Variants in CSMD2 observed in about 807,000 individuals in gnomAD.
CSMD2 encodes CUB and sushi domain-containing protein 2.
Under a neutral mutation model 398.5 loss-of-function variants are expected in CSMD2, and 130 were observed. The observed-to-expected ratio is 0.33, with a 90% CI of 0.28 to 0.38. The LOEUF (loss-of-function observed/expected upper bound fraction) is 0.38, where lower values mean the gene tolerates loss of function less well. Among genes scored for constraint, CSMD2 ranks in the 10% least tolerant of loss-of-function variants. CSMD2 has a pLI of 1.00. For missense variants in CSMD2, 3,829 were observed against 4,764.9 expected (o/e 0.80, Z 5.78); for synonymous variants, 1,828 against 1,908.5 (o/e 0.96, Z 1.10).
chr1:33,709,833 A>G (rs1645925980), intron 21 of CSMD2, among the ~76,000 whole-genome samples: 1 of 152,122 alleles, frequency 6.6e-6, no homozygotes. Flanking sequence ...GTTTAAAGAT[A>G]AGGAACCAGG....
chr1:33,810,888 C>A, intron 9 of CSMD2, 24 bp from the exon 10 acceptor site: 5 of 1,606,932 alleles, frequency 3.1e-6, no homozygotes, highest in Non-Finnish European at 4.2e-6. Flanking sequence ...GAAAGACAAG[C>A]CTTTGAATTA....
chr1:33,685,837 A>G (rs1226024912), intron 25 of CSMD2, among the ~76,000 whole-genome samples: 1 of 152,150 alleles, frequency 6.6e-6, no homozygotes, highest in Non-Finnish European at 1.5e-5. Flanking sequence ...TTTCCCCACT[A>G]GAATGTGAAC....
intron 32 of CSMD2, among the ~76,000 whole-genome samples, chr1:33,628,855 G>C (rs1459146979): frequency 2.0e-5 from 3 of 151,990 alleles, no homozygotes; most frequent in African/African-American, 7.3e-5. Context: ...AAAAGCACAG[G>C]TTACTTACAA....
At chr1:33,570,404 C>T (rs899896696) in intron 51 of CSMD2, among the ~76,000 whole-genome samples, 2 of 151,310 alleles carry the variant, frequency 1.3e-5, no homozygotes, top group Middle Eastern at 3.4e-3. Flanking sequence ...GAACTCCTGA[C>T]CTCAAGTGAT....
chr1:34,056,294 G>A (rs547930656), intron 2 of CSMD2, among the ~76,000 whole-genome samples: 2 of 152,234 alleles, frequency 1.3e-5, no homozygotes, highest in Admixed American at 6.5e-5. Context: ...ATCCCTCTAT[G>A]CTGCACTGGC....
chr1:33,629,795 T>A (rs1571006317), intron 32 of CSMD2, among the ~76,000 whole-genome samples: 1 of 151,498 alleles, frequency 6.6e-6, no homozygotes, highest in Non-Finnish European at 1.5e-5. Flanking sequence ...CAGGCTGGAG[T>A]GCAATGGCGC....
chr1:33,716,249 A>G (rs1264223926), intron 20 of CSMD2, 37 bp downstream of exon 20: 4 of 1,535,258 alleles, frequency 2.6e-6, no homozygotes, highest in African/African-American at 2.7e-5. Flanking sequence ...AAATAGCACC[A>G]TGGTCTCTTC....
chr1:33,990,272 C>CA (rs1208926675), intron 3 of CSMD2, among the ~76,000 whole-genome samples: 2 of 150,592 alleles, frequency 1.3e-5, no homozygotes, highest in Non-Finnish European at 1.5e-5. Flanking sequence ...AATTCCATTT[C>CA]AAAAAAAAAT....
chr1:33,626,436 C>T, intron 33 of CSMD2, 50 bp downstream of exon 33: 2 of 1,368,964 alleles, frequency 1.5e-6, no homozygotes, highest in Non-Finnish European at 2.0e-6. Context: ...TCACGAGTCC[C>T]TTAAGAACCG....
chr1:33,749,258 C>T (rs2149269125), intron 13 of CSMD2, among the ~76,000 whole-genome samples: 1 of 152,034 alleles, frequency 6.6e-6, no homozygotes, highest in East Asian at 1.9e-4. Context: ...GCCACCTCGC[C>T]CGGCTAATTT....
intron 37 of CSMD2, among the ~76,000 whole-genome samples, chr1:33,618,474 G>C (rs377336405): frequency 1.6e-4 from 25 of 152,260 alleles, no homozygotes; most frequent in African/African-American, 6.0e-4. Flanking sequence ...GGACTTTCAT[G>C]ATCTTGGCCT....
intron 5 of CSMD2, among the ~76,000 whole-genome samples, chr1:33,887,935 T>C (rs1347265840): frequency 6.6e-6 from 1 of 152,104 alleles, no homozygotes. Context: ...AGAAGAAATG[T>C]ACAGAAATCA....
chr1:33,976,860 G>A (rs1229979278), intron 3 of CSMD2, among the ~76,000 whole-genome samples: 1 of 152,108 alleles, frequency 6.6e-6, no homozygotes, highest in Non-Finnish European at 1.5e-5. Flanking sequence ...CTTGGCATAT[G>A]AAAGCTGTTT....
At chr1:33,709,615 G>A (rs1357748966) in intron 21 of CSMD2, 11 of 359,390 alleles carry the variant, frequency 3.1e-5, no homozygotes, top group Admixed American at 4.2e-5. Flanking sequence ...AGAAATGACC[G>A]AGGAGGAGGT....
chr1:34,094,430 G>T (rs1418348995), intron 1 of CSMD2, among the ~76,000 whole-genome samples: 1 of 151,762 alleles, frequency 6.6e-6, no homozygotes, highest in Admixed American at 6.6e-5. Flanking sequence ...AATGTAAATG[G>T]ACTAAATGCT....
chr1:33,739,030 A>C, intron 15 of CSMD2, 110 bp downstream of exon 15: 1 of 1,034,854 alleles, frequency 9.7e-7, no homozygotes, highest in Non-Finnish European at 1.4e-6. Context: ...GTTCTGGGAG[A>C]AGAGGAAGGA....
chr1:33,615,523 T>A (rs1002717969), intron 39 of CSMD2, among the ~76,000 whole-genome samples: 1 of 152,156 alleles, frequency 6.6e-6, no homozygotes, highest in South Asian at 2.1e-4. Flanking sequence ...TCACTTCCGA[T>A]GGGACCGTGG....
rs1033113654 is a variant in CSMD2 at position 33,828,879 on chromosome 1, C to T, written c.1034-3105G>A. On this transcript the variant is annotated intron_variant, in intron 6 of 70. Coordinates refer to ENST00000373381, the MANE Select transcript of CSMD2 (RefSeq NM_001281956.2). ...GGATGATGTCATCATGCAACGCAAGCTTGAGCTAACTTCTGTTCTTCCTCT... is the reference window on the plus strand; with the variant it reads ...GGATGATGTCATCATGCAACGCAAGTTTGAGCTAACTTCTGTTCTTCCTCT... Among the ~76,000 whole-genome samples the T allele has an allele frequency of 1.8e-4, 28 of 152,336 alleles. No individual in the cohort carries two copies. The South Asian group carries it at 1.9e-3, about 10-fold the overall frequency.
At chr1:33,662,849 C>G (rs1438712440) in intron 26 of CSMD2, 41 bp downstream of exon 26, 1 of 1,582,998 alleles carries the variant, frequency 6.3e-7, no homozygotes. Context: ...TGCCATGTGT[C>G]AGGACATGTG....
Sources: gnomAD v4.1 joint callset for allele counts (sites outside exome capture counted in the v4.1 genomes callset) on GRCh38, gnomAD v4.1.1 for gene constraint, MANE v1.5 for transcripts, NCBI Gene and HGNC (gene_info 2026-07-23, HGNC 2026-07-21) for gene names.